CADM2: variants seen among roughly 807,000 people sequenced by gnomAD.
CADM2 encodes immunoglobulin superfamily member 4D.
CADM2 carries 12 observed loss-of-function variants against 49.8 expected under a neutral mutation model. The ratio of observed to expected loss-of-function variants is 0.24; its 90% confidence interval spans 0.15 to 0.39. The LOEUF (loss-of-function observed/expected upper bound fraction) is 0.39. Ranked by LOEUF, CADM2 falls within the 10% of genes least tolerant of loss-of-function variation. The pLI is 1.00. For synonymous variants in CADM2, 214 were observed against 175.4 expected (o/e 1.22, Z -1.74); for missense variants, 378 against 492.3 (o/e 0.77, Z 2.20).
At chr3:85,583,153 CA>C (rs1325701286) in intron 1 of CADM2, among the ~76,000 whole-genome samples, 1 of 152,074 alleles carries the variant, frequency 6.6e-6, no homozygotes, top group African/African-American at 2.4e-5. Context: ...TTGAGTCCTA[CA>C]TGTCTTTAGT....
intron 1 of CADM2, among the ~76,000 whole-genome samples, chr3:85,515,436 TA>T (rs1277964451): frequency 9.6e-5 from 12 of 125,324 alleles, no homozygotes; most frequent in Non-Finnish European, 1.3e-4. Context: ...TTTTTTTTTT[TA>T]TTATTATATG....
At chr3:85,409,224 C>T (rs941419852) in intron 1 of CADM2, among the ~76,000 whole-genome samples, 1 of 152,028 alleles carries the variant, frequency 6.6e-6, no homozygotes, top group Non-Finnish European at 1.5e-5. Flanking sequence ...GCTGATTTTT[C>T]TCATACAGCT....
At chr3:85,068,099 A>G (rs2036588309) in intron 1 of CADM2, among the ~76,000 whole-genome samples, 1 of 152,182 alleles carries the variant, frequency 6.6e-6, no homozygotes, top group Non-Finnish European at 1.5e-5. Context: ...CACTATTTTT[A>G]ACGCAGACTT....
chr3:85,511,550 A>G (rs953945013), intron 1 of CADM2, among the ~76,000 whole-genome samples: 5 of 152,076 alleles, frequency 3.3e-5, no homozygotes, highest in African/African-American at 9.7e-5. Flanking sequence ...ATACAATTCC[A>G]CCAATGTTTT....
At chr3:85,418,317 C>T (rs2036006678) in intron 1 of CADM2, among the ~76,000 whole-genome samples, 1 of 151,984 alleles carries the variant, frequency 6.6e-6, no homozygotes, top group African/African-American at 2.4e-5. Flanking sequence ...CAATTTTGGT[C>T]CCTCAGATAT....
At chr3:85,698,661 A>G (rs2066648190) in intron 1 of CADM2, among the ~76,000 whole-genome samples, 1 of 152,138 alleles carries the variant, frequency 6.6e-6, no homozygotes, top group Non-Finnish European at 1.5e-5. Flanking sequence ...TGAGAACAGC[A>G]CTAAAAGGAT....
chr3:85,800,890 A>G (rs555543517), intron 2 of CADM2: 1 of 152,356 alleles, frequency 6.6e-6, no homozygotes, highest in South Asian at 2.1e-4. Flanking sequence ...TAAGATTCTT[A>G]CGCCAATAGT....
intron 1 of CADM2, among the ~76,000 whole-genome samples, chr3:85,516,526 T>G (rs992795480): frequency 6.6e-6 from 1 of 152,152 alleles, no homozygotes; most frequent in African/African-American, 2.4e-5. Flanking sequence ...AATATCATAC[T>G]CTTTTCAATT....
At chr3:85,266,565 T>TTCATCAATATCAGTTGAAAAG (rs147778438) in intron 1 of CADM2, among the ~76,000 whole-genome samples, 1 of 151,272 alleles carries the variant, frequency 6.6e-6, no homozygotes, top group Non-Finnish European at 1.5e-5. Context: ...ATCTCAATGA[T>TTCATCAATATCAGTTGAAAAG]AAGGTGATAA....
chr3:85,465,658 G>A (rs955597175), intron 1 of CADM2, among the ~76,000 whole-genome samples: 1 of 152,124 alleles, frequency 6.6e-6, no homozygotes, highest in Non-Finnish European at 1.5e-5. Context: ...TATCCATGAA[G>A]ATTATAGGCG....
At chr3:86,012,811 C>G in intron 8 of CADM2, 1 of 554,306 alleles carries the variant, frequency 1.8e-6, no homozygotes, top group Non-Finnish European at 3.2e-6. Flanking sequence ...CCCGTCTCTA[C>G]TAAAAATACA....
chr3:85,701,681 T>C (rs951198287), intron 1 of CADM2, among the ~76,000 whole-genome samples: 1 of 152,150 alleles, frequency 6.6e-6, no homozygotes, highest in Non-Finnish European at 1.5e-5. Flanking sequence ...ACCAACTTTT[T>C]CAGTCATTTT....
At chr3:85,805,860 A>G (rs2072378201) in intron 3 of CADM2, among the ~76,000 whole-genome samples, 1 of 152,058 alleles carries the variant, frequency 6.6e-6, no homozygotes, top group Non-Finnish European at 1.5e-5. Flanking sequence ...TGATTATACC[A>G]TCTCCTGCAG....
chr3:85,214,284 T>A (rs1200763684), intron 1 of CADM2, among the ~76,000 whole-genome samples: 1 of 152,102 alleles, frequency 6.6e-6, no homozygotes, highest in Non-Finnish European at 1.5e-5. Context: ...TTCCCACAAA[T>A]AAAGTGAGTC....
At chr3:85,493,442 GC>G (rs751352529) in intron 1 of CADM2, among the ~76,000 whole-genome samples, 3 of 104,336 alleles carry the variant, frequency 2.9e-5, no homozygotes, top group South Asian at 5.7e-4. Flanking sequence ...TTTTTCATCT[GC>G]CCTGTACATT....
intron 7 of CADM2, among the ~76,000 whole-genome samples, chr3:85,941,536 G>A (rs1278071030): frequency 6.6e-6 from 1 of 152,046 alleles, no homozygotes; most frequent in South Asian, 2.1e-4. Flanking sequence ...ATGAACCTCA[G>A]TTGGGGTAAA....
intron 1 of CADM2, among the ~76,000 whole-genome samples, chr3:85,354,294 A>G (rs2031629980): frequency 7.1e-6 from 1 of 141,404 alleles, no homozygotes; most frequent in African/African-American, 2.6e-5. Flanking sequence ...CTAGGTGGAA[A>G]TTGAACAATG....
chr3:85,450,860 A>T (rs1306502233), intron 1 of CADM2, among the ~76,000 whole-genome samples: 8 of 152,072 alleles, frequency 5.3e-5, no homozygotes, highest in Non-Finnish European at 1.0e-4. Flanking sequence ...CTTCAAATTT[A>T]AACAGATCTA....
At chr3:85,999,269 GTT>G (rs1307179442) in intron 8 of CADM2, among the ~76,000 whole-genome samples, 12,567 of 140,146 alleles carry the variant, frequency 0.09, 1,333 homozygotes, top group African/African-American at 0.22. Context: ...GAGGCCGAGG[GTT>G]GGGGGGTGGA....
Sources: gnomAD v4.1 joint callset for allele counts (sites outside exome capture counted in the v4.1 genomes callset) on GRCh38, gnomAD v4.1.1 for gene constraint, MANE v1.5 for transcripts, NCBI Gene and HGNC (gene_info 2026-07-23, HGNC 2026-07-21) for gene names.